The following C5 variants were observed in gnomAD, a reference collection of about 807,000 sequenced individuals.
The protein encoded by C5 is complement C5, also known as C3 and PZP-like alpha-2-macroglobulin domain-containing protein 4.
A neutral mutation model predicts 218.8 loss-of-function variants in C5; 140 were observed. The ratio of observed to expected loss-of-function variants is 0.64; its 90% CI spans 0.56 to 0.74. The LOEUF is 0.74. Ranked by LOEUF, C5 falls within the 30% of genes least tolerant of loss-of-function variation. The pLI is 0.00. For synonymous variants in C5, 614 were observed against 682.3 expected, an observed-to-expected ratio of 0.90 and a Z score of 1.56; for missense variants, 1,700 against 1,969.6, an observed-to-expected ratio of 0.86 and a Z score of 2.59.
chr9:121,026,228 C>T (rs185929488), intron 8 of C5, among the ~76,000 whole-genome samples: 4 of 151,922 alleles, frequency 2.6e-5, no homozygotes, highest in East Asian at 1.9e-4. Context: ...CAAATGAATA[C>T]GAAAAAGTGA....
intron 20 of C5, among the ~76,000 whole-genome samples, chr9:121,002,309 T>C (rs1292997319): frequency 2.0e-5 from 1 of 49,806 alleles, no homozygotes; most frequent in African/African-American, 7.9e-5. Flanking sequence ...TATATATATA[T>C]GTGTGTGTAT....
At chr9:121,027,942 C>T (rs1457332575) in intron 7 of C5, among the ~76,000 whole-genome samples, 8 of 152,132 alleles carry the variant, frequency 5.3e-5, no homozygotes, top group Non-Finnish European at 1.2e-4. Context: ...GCAATCTACC[C>T]ATCTGACAAA....
At chr9:121,035,200 A>C (rs2047513544) in intron 4 of C5, among the ~76,000 whole-genome samples, 1 of 152,210 alleles carries the variant, frequency 6.6e-6, no homozygotes, top group African/African-American at 2.4e-5. Flanking sequence ...ACAACAACAA[A>C]CAAACAAACA....
rs572345213 is a variant in C5, at chr9:121,002,316, G to GTGTGTGTGTGTGTGTGTATATA, written c.2562+3602_2562+3603insTATATACACACACACACACACA. On this transcript the variant is annotated intron_variant, in intron 20 of 40. Transcript: ENST00000223642. Reference sequence around the variant, plus strand: ...TATATATGTATATATATATGTGTGTGTATATATATATATATATATATATAT... The same window carrying GTGTGTGTGTGTGTGTGTATATA: ...TATATATGTATATATATATGTGTGTGTGTGTGTGTGTGTGTGTATATATATATATATATATATATATATATAT... 1.4e-4 allele frequency among the ~76,000 whole-genome samples: 12 copies of GTGTGTGTGTGTGTGTGTATATA among 87,398 alleles called. 1 individual carries two copies. The highest frequency in any genetic ancestry group is 1.1e-3 in the Admixed American group (8 of 7,474). 57.3% of individuals were successfully genotyped at this position (87,398 alleles called of 152,430 possible). A position where few individuals can be genotyped will look rare whatever the true frequency, so the allele number is the denominator to read the frequency against.
chr9:121,018,293 G>T (rs1017999260), intron 12 of C5, among the ~76,000 whole-genome samples: 4 of 149,906 alleles, frequency 2.7e-5, no homozygotes, highest in African/African-American at 7.4e-5. Context: ...ACCAATTTTG[G>T]CTGGGCACGG....
intron 38 of C5, among the ~76,000 whole-genome samples, chr9:120,958,220 C>G (rs2046800449): frequency 6.6e-6 from 1 of 152,148 alleles, no homozygotes; most frequent in Non-Finnish European, 1.5e-5. Context: ...GAAAAGTGTT[C>G]TGACTTTCAG....
intron 21 of C5, 76 bp downstream of exon 21, chr9:120,997,471 G>T: frequency 9.1e-7 from 1 of 1,093,894 alleles, no homozygotes; most frequent in South Asian, 1.3e-5. Flanking sequence ...TTACACTATT[G>T]TTTCTCTCCC....
intron 10 of C5, among the ~76,000 whole-genome samples, chr9:121,022,949 G>C (rs1430434725): frequency 6.6e-6 from 1 of 152,028 alleles, no homozygotes; most frequent in African/African-American, 2.4e-5. Flanking sequence ...TATGCACAAA[G>C]ACAACACAGA....
intron 5 of C5, among the ~76,000 whole-genome samples, chr9:121,033,360 T>C (rs1335173239): frequency 6.6e-6 from 1 of 151,798 alleles, no homozygotes; most frequent in Non-Finnish European, 1.5e-5. Flanking sequence ...AGATAGGGAG[T>C]AAAACAAAGC....
intron 5 of C5, among the ~76,000 whole-genome samples, chr9:121,032,495 T>C (rs1394155062): frequency 1.3e-5 from 2 of 152,230 alleles, no homozygotes; most frequent in African/African-American, 4.8e-5. Context: ...TGAGAATTTA[T>C]TTAATCTTGG....
intron 2 of C5, 70 bp downstream of exon 2, chr9:121,046,121 A>G: frequency 1.3e-6 from 1 of 795,922 alleles, no homozygotes; most frequent in African/African-American, 1.8e-5. Context: ...TCAATATTCA[A>G]ACTTTGTACA....
chr9:120,975,079 T>G (rs2046943435), intron 29 of C5, 148 bp from the exon 30 acceptor site: 1 of 834,562 alleles, frequency 1.2e-6, no homozygotes, highest in Non-Finnish European at 2.0e-6. Flanking sequence ...AGCCCCATTG[T>G]GGAGGTGGAA....
Position 121,042,982 on chromosome 9 carries a change from G to A in C5, c.421+22C>T, listed in dbSNP as rs779846790. The A allele has an allele frequency of 4.4e-6, 7 of 1,597,088 alleles. No individual in the cohort carries two copies. In the African/African-American group the frequency reaches 5.4e-5, roughly 12 times the overall value. The stretch of plus-strand genomic sequence containing the variant: ...ATACTGTCAAATCCCCCACCCAGAG[G>A]AAGAAATATCTTATAATCTACCTGA... On this transcript the variant is annotated intron_variant, in intron 3 of 40. Transcript: ENST00000223642.
At chr9:120,976,131 A>G (rs559035023) in intron 29 of C5, among the ~76,000 whole-genome samples, 2 of 152,326 alleles carry the variant, frequency 1.3e-5, no homozygotes, top group Admixed American at 6.5e-5. Flanking sequence ...ACACTCCATC[A>G]TTATCTAAAC....
intron 31 of C5, 110 bp downstream of exon 31, chr9:120,971,820 T>G: frequency 1.3e-6 from 1 of 786,734 alleles, no homozygotes. Context: ...ACTTTAGTCA[T>G]GGTTACCCAA....
Position 121,020,026 on chromosome 9 carries a change from C to A in C5, c.1456G>T (p.Val486Phe). Residue 486 changes from valine (V) to phenylalanine (F), a missense_variant, in exon 12 of 41, where the codon GTT becomes TTT. By Grantham distance (50) the Val-to-Phe change is conservative. Coordinates refer to ENST00000223642, the MANE Select transcript of C5 (RefSeq NM_001735.3). ...LLVGEHLNII[V>F]TPKSPYIDKI... is the part of the protein sequence containing the mutation. The stretch of plus-strand genomic sequence containing the variant: ...TCAATATATGGGCTTTTGGGGGTAA[C>A]AATAATATTCAGATGTTCTCCCACT... The A allele has an allele frequency of 6.2e-7, 1 of 1,612,056 alleles. No individual in the cohort carries two copies. The highest frequency in any genetic ancestry group is 1.1e-5 in the South Asian group (1 of 91,036).
chr9:121,025,046 T>A (rs879369338), intron 9 of C5, among the ~76,000 whole-genome samples: 2 of 152,232 alleles, frequency 1.3e-5, no homozygotes, highest in African/African-American at 2.4e-5. Flanking sequence ...ATAATGATAA[T>A]AGTAATAACT....
the C5 span, among the ~76,000 whole-genome samples, chr9:121,059,064 C>T: frequency 1.1e-4 from 16 of 152,086 alleles, no homozygotes; most frequent in African/African-American, 3.9e-4. The surrounding 1 kb of genome is among the most constrained non-coding windows in gnomAD (Gnocchi z 4.1). Flanking sequence ...TCAAATCCAC[C>T]GTGGATAAAT....
chr9:120,961,623 C>A, intron 36 of C5, 58 bp from the exon 37 acceptor site: 1 of 1,087,092 alleles, frequency 9.2e-7, no homozygotes, highest in South Asian at 1.2e-5. Flanking sequence ...AACACATTTA[C>A]TAATTGGCAA....
Sources: gnomAD v4.1 joint callset for allele counts (sites outside exome capture counted in the v4.1 genomes callset) on GRCh38, gnomAD v4.1.1 for gene constraint, Gnocchi (gnomAD v3.1) non-coding constraint, MANE v1.5 for transcripts, NCBI Gene and HGNC (gene_info 2026-07-23, HGNC 2026-07-21) for gene names.